The following CENPW variants were observed in gnomAD, a reference collection of about 807,000 sequenced individuals.
CENPW encodes centromere protein W.
A neutral mutation model predicts 11.1 loss-of-function variants in CENPW; 3 were observed. The ratio of observed to expected loss-of-function variants is 0.27; its 90% CI spans 0.12 to 0.70. The LOEUF (loss-of-function observed/expected upper bound fraction) is 0.70, where lower values mean the gene tolerates loss of function less well. CENPW is among the 30% of genes least tolerant of loss of function. The probability of loss-of-function intolerance (pLI) is 0.77; values close to 1 mark genes in which losing one functional copy is unlikely to be tolerated. For missense variants in CENPW, 100 were observed against 105.6 expected (o/e 0.95, Z 0.23); for synonymous variants, 38 against 42.0 (o/e 0.91, Z 0.37).
At chr6:126,405,565 T>C in the CENPW span, among the ~76,000 whole-genome samples, 36 of 152,232 alleles carry the variant, frequency 2.4e-4, no homozygotes, top group African/African-American at 8.2e-4. Flanking sequence ...TTGATAGAGA[T>C]TGCATTAAAT....
intron 1 of CENPW, 100 bp downstream of exon 1, chr6:126,340,499 C>G: frequency 6.4e-7 from 1 of 1,558,738 alleles, no homozygotes; most frequent in Non-Finnish European, 8.8e-7. Context: ...ATTTATAGCT[C>G]TTTCAGGCCC....
At chr6:126,430,716 CCGAGGTGGGCAGATCA>C in the CENPW span, among the ~76,000 whole-genome samples, 1 of 152,076 alleles carries the variant, frequency 6.6e-6, no homozygotes, top group African/African-American at 2.4e-5. Context: ...CTTTGGGAGG[CCGAGGTGGGCAGATCA>C]CGAGGTCAGG....
At chr6:126,402,734 C>T in the CENPW span, among the ~76,000 whole-genome samples, 1 of 151,794 alleles carries the variant, frequency 6.6e-6, no homozygotes, top group Non-Finnish European at 1.5e-5. Context: ...ATGGATATAC[C>T]ACATTTTATT....
chr6:126,380,347 CTGGCT>C, the CENPW span, among the ~76,000 whole-genome samples: 14 of 152,320 alleles, frequency 9.2e-5, no homozygotes, highest in African/African-American at 3.1e-4. Flanking sequence ...CTCAGATTAA[CTGGCT>C]TGCTTTCAAA....
At chr6:126,360,654 T>G in the CENPW span, among the ~76,000 whole-genome samples, 3,296 of 152,212 alleles carry the variant, frequency 0.022, 42 homozygotes, top group Non-Finnish European at 0.031. Flanking sequence ...TTGAGTTGAT[T>G]TGAAGAACTG....
chr6:126,392,030 G>C, the CENPW span, among the ~76,000 whole-genome samples: 3 of 151,872 alleles, frequency 2.0e-5, no homozygotes, highest in East Asian at 1.9e-4. Context: ...TATTTTGTTA[G>C]GGATTGCATT....
chr6:126,345,502 C>T (rs117892760), intron 1 of CENPW, among the ~76,000 whole-genome samples: 3,464 of 151,946 alleles, frequency 0.023, 63 homozygotes, highest in Middle Eastern at 0.055. Flanking sequence ...ACACGGTTTC[C>T]GTGTATCCTT....
At chr6:126,470,585 C>T in the CENPW span, among the ~76,000 whole-genome samples, 1 of 152,212 alleles carries the variant, frequency 6.6e-6, no homozygotes, top group Non-Finnish European at 1.5e-5. Context: ...GAGCCACCAT[C>T]CTCCAGACCC....
At chr6:126,446,814 G>A in the CENPW span, among the ~76,000 whole-genome samples, 4 of 151,022 alleles carry the variant, frequency 2.6e-5, no homozygotes, top group East Asian at 2.0e-4. Flanking sequence ...TCAATAGTAC[G>A]TCATTTGGTT....
chr6:126,425,449 A>G, the CENPW span, among the ~76,000 whole-genome samples: 5 of 152,150 alleles, frequency 3.3e-5, no homozygotes, highest in Non-Finnish European at 7.4e-5. Context: ...CTGACATAAA[A>G]ATCCTGTCTG....
At chr6:126,405,244 T>C in the CENPW span, among the ~76,000 whole-genome samples, 3 of 152,096 alleles carry the variant, frequency 2.0e-5, no homozygotes, top group Non-Finnish European at 2.9e-5. Flanking sequence ...AGCATCATTT[T>C]TTAAAAAGAC....
chr6:126,460,373 T>G, the CENPW span, among the ~76,000 whole-genome samples: 1 of 151,826 alleles, frequency 6.6e-6, no homozygotes, highest in African/African-American at 2.4e-5. Flanking sequence ...TTCTGAGAAC[T>G]TAGCCTGAAA....
chr6:126,430,389 G>A, the CENPW span, among the ~76,000 whole-genome samples: 1 of 152,130 alleles, frequency 6.6e-6, no homozygotes, highest in African/African-American at 2.4e-5. Flanking sequence ...TAGTATATAA[G>A]ACTGCTTACA....
chr6:126,475,874 G>A, the CENPW span, among the ~76,000 whole-genome samples: 2 of 151,950 alleles, frequency 1.3e-5, no homozygotes, highest in African/African-American at 2.4e-5. Flanking sequence ...TACATGGAAT[G>A]CCAGAGCTAA....
At chr6:126,407,029 C>G in the CENPW span, among the ~76,000 whole-genome samples, 1 of 151,986 alleles carries the variant, frequency 6.6e-6, no homozygotes, top group Admixed American at 6.6e-5. Flanking sequence ...CAGATCAACC[C>G]CCATCACCTA....
chr6:126,362,845 G>C, the CENPW span, among the ~76,000 whole-genome samples: 1 of 151,976 alleles, frequency 6.6e-6, no homozygotes. Flanking sequence ...ATTCATACTG[G>C]AAACACTCTT....
At chr6:126,363,854 T>C in the CENPW span, among the ~76,000 whole-genome samples, 2 of 152,238 alleles carry the variant, frequency 1.3e-5, no homozygotes, top group East Asian at 3.8e-4. Flanking sequence ...AATTTGCTGC[T>C]TTCGAGGGAG....
At chr6:126,478,832 T>A in the CENPW span, among the ~76,000 whole-genome samples, 1,194 of 152,080 alleles carry the variant, frequency 7.9e-3, 15 homozygotes, top group African/African-American at 0.027. Context: ...TACTCTCTTA[T>A]CTGGACACGA....
At chr6:126,423,999 A>T in the CENPW span, among the ~76,000 whole-genome samples, 1,719 of 152,180 alleles carry the variant, frequency 0.011, 41 homozygotes, top group African/African-American at 0.039. Flanking sequence ...ATACATTTAG[A>T]TTTTATAGAA....
Sources: allele counts gnomAD v4.1 joint callset (sites outside exome capture counted in the v4.1 genomes callset), GRCh38; gene constraint gnomAD v4.1.1; transcripts MANE v1.5; gene names NCBI Gene and HGNC (gene_info 2026-07-23, HGNC 2026-07-21).